Variants in KIF1C observed in about 807,000 individuals in gnomAD.
KIF1C encodes the protein kinesin family member 1C.
Under a neutral mutation model 126.5 loss-of-function variants are expected in KIF1C, and 61 were observed. The ratio of observed to expected loss-of-function variants is 0.48; its 90% CI spans 0.39 to 0.60. KIF1C has a LOEUF of 0.60. Among genes scored for constraint, KIF1C ranks in the 20% least tolerant of loss-of-function variants. KIF1C has a pLI of 0.00. For missense variants in KIF1C, 1,315 were observed against 1,489.2 expected (o/e 0.88, Z 1.93); for synonymous variants, 640 against 580.6 (o/e 1.10, Z -1.47).
At chr17:5,009,535 TC>T (rs557584076) in intron 16 of KIF1C, among the ~76,000 whole-genome samples, 19 of 151,654 alleles carry the variant, frequency 1.3e-4, no homozygotes, top group Non-Finnish European at 2.5e-4. Context: ...ACACCTGTAA[TC>T]CTAGCACTTT....
chr17:4,999,636 C>T (rs576048205), intron 1 of KIF1C, among the ~76,000 whole-genome samples: 2 of 152,260 alleles, frequency 1.3e-5, no homozygotes, highest in African/African-American at 2.4e-5. Flanking sequence ...TCTCTCTGTC[C>T]TCTATCTGAA....
In KIF1C at chr17:5,004,663, A is replaced by G. The variant is rs72838331; in HGVS notation, c.1019+18A>G. 0.1 allele frequency: 163,192 copies of G among 1,612,622 alleles called. 9,130 individuals are homozygous for G. The highest frequency in any genetic ancestry group is 0.11 in the Non-Finnish European group (133,419 of 1,178,680). ...ACCCTCAGGTGAGGCTTTTGGCTCT[A>G]GCAGGGATGGGGCAGCATAGGAAGA... On this transcript the variant is annotated intron_variant, in intron 12 of 22. Transcript: ENST00000320785.
Position 5,025,508 on chromosome 17 carries a change from T to G in KIF1C, c.*1357T>G, listed in dbSNP as rs1156952594. 1 of 152,158 alleles carries G rather than the reference T, an allele frequency of 6.6e-6. No homozygotes were observed. The highest frequency in any genetic ancestry group is 1.5e-5 in the Non-Finnish European group (1 of 68,050). 9.4% of individuals were successfully genotyped at this position (152,158 alleles called of 1,614,324 possible). A position where few individuals can be genotyped will look rare whatever the true frequency, so the allele number is the denominator to read the frequency against. On this transcript the variant is annotated 3_prime_UTR_variant, in exon 23 of 23. Transcript: ENST00000320785. ...AGGCTACATCATTGTTCCCAGTCGT[T>G]ATTTTATTTGTGTTAAGACTGTTTG...
chr17:5,020,926 CA>C lies in KIF1C; in HGVS notation c.2010+50del. On this transcript the variant is annotated intron_variant, in intron 21 of 22. Transcript: ENST00000320785. The surrounding 1 kb of genome is among the most constrained non-coding windows in gnomAD (Gnocchi z 5.8). ...GATGGGCTGATGGGCAGATGAGCCG[CA>C]AGCCTGAGTCCGAGTGCAGTGCTCA... 1.3e-6 allele frequency: 2 copies of C among 1,499,352 alleles called. No individual in the cohort carries two copies. The highest frequency in any genetic ancestry group is 1.8e-6 in the Non-Finnish European group (2 of 1,098,772). The allele number at this position is 1,499,352 out of a possible 1,614,324, so 92.9% of individuals were successfully genotyped here.
chr17:5,010,141 G>T (rs1352392423), intron 16 of KIF1C, among the ~76,000 whole-genome samples: 1 of 152,150 alleles, frequency 6.6e-6, no homozygotes, highest in South Asian at 2.1e-4. Flanking sequence ...GGCCAGGCTG[G>T]TCTCAAACTC....
At position 5,022,306 on chromosome 17, in the gene KIF1C, C is replaced by G. The variant is rs745870744; in HGVS notation, c.2225C>G (p.Ala742Gly). The change falls in exon 22 of 23, where the codon GCC (alanine) becomes GGC (glycine). Residue 742 changes from alanine to glycine, a missense_variant. By Grantham distance (60) the Ala-to-Gly change is moderately conservative. Transcript: ENST00000320785. The surrounding 1 kb of genome is among the most constrained non-coding windows in gnomAD (Gnocchi z 4.9). ...CTGCAGGGCAAAGACCCCCGCTGGGCCACCATGGCTGACCTGAAGATGCAG... is the reference window on the plus strand; with the variant it reads ...CTGCAGGGCAAAGACCCCCGCTGGGGCACCATGGCTGACCTGAAGATGCAG... ...RRLQGKDPRWATMADLKMQAV... is the reference protein window; with the variant it reads ...RRLQGKDPRWGTMADLKMQAV... 2.5e-6 allele frequency: 4 copies of G among 1,610,806 alleles called. No homozygotes were observed. The African/African-American group carries it at 5.3e-5, about 21-fold the overall frequency.
At chr17:5,013,831 GAGATACCTC>G (rs1974917283) in intron 17 of KIF1C, 99 bp downstream of exon 17, 1 of 856,138 alleles carries the variant, frequency 1.2e-6, no homozygotes, top group East Asian at 2.5e-5. Flanking sequence ...GTGGTCCCTG[GAGATACCTC>G]AGATCTCTAA....
rs191908422 is a variant in KIF1C at position 5,016,840 on chromosome 17, A to G, written c.1666+2003A>G. 1.8e-3 allele frequency among the ~76,000 whole-genome samples: 259 copies of G among 147,792 alleles called. 2 individuals carry two copies. The highest frequency in any genetic ancestry group is 6.2e-3 in the African/African-American group (248 of 40,052). The stretch of plus-strand genomic sequence containing the variant: ...AGAATTGCTTGAACCTGGGAAGTGG[A>G]GGTTTCAGTGAGCTGAGATTGCGCC... On this transcript the variant is annotated intron_variant, in intron 18 of 22. Transcript: ENST00000320785.
intron 13 of KIF1C, among the ~76,000 whole-genome samples, chr17:5,005,692 G>A (rs570255328): frequency 6.6e-6 from 1 of 152,166 alleles, no homozygotes; most frequent in African/African-American, 2.4e-5. Flanking sequence ...TAGCACACAT[G>A]ACGTGGGACC....
chr17:5,016,471 T>C (rs942881374), intron 18 of KIF1C, among the ~76,000 whole-genome samples: 1 of 151,694 alleles, frequency 6.6e-6, no homozygotes, highest in African/African-American at 2.4e-5. Flanking sequence ...CAGGCTAGTC[T>C]TGAACTCCTG....
At chr17:5,005,390 C>G (rs1448294624) in intron 13 of KIF1C, among the ~76,000 whole-genome samples, 1 of 152,216 alleles carries the variant, frequency 6.6e-6, no homozygotes, top group Non-Finnish European at 1.5e-5. Context: ...TAACAGATCT[C>G]AGTGGAGTGC....
At chr17:5,000,161 G>A in intron 2 of KIF1C, 59 bp from the exon 3 acceptor site, 1 of 913,166 alleles carries the variant, frequency 1.1e-6, no homozygotes, top group East Asian at 2.6e-5. Flanking sequence ...GAAGCTGGGA[G>A]GCAATGTCTG....
In KIF1C at chr17:5,013,841, A is replaced by G. The variant is rs1974917538; in HGVS notation, c.1571+109A>G. 2.2e-5 allele frequency: 17 copies of G among 774,780 alleles called. No individual in the cohort carries two copies. The South Asian group carries it at 2.7e-4, about 12-fold the overall frequency. 48.0% of individuals were successfully genotyped at this position (774,780 alleles called of 1,614,324 possible). On this transcript the variant is annotated intron_variant, in intron 17 of 22. Transcript: ENST00000320785. Reference sequence around the variant, plus strand: ...CCCTGGTGGTCCCTGGAGATACCTCAGATCTCTAAACAGCTGCCTCCACAG... The same window carrying G: ...CCCTGGTGGTCCCTGGAGATACCTCGGATCTCTAAACAGCTGCCTCCACAG...
rs1974574261 is a variant in KIF1C, at chr17:5,000,939, G to T, written c.183+91G>T. On this transcript the variant is annotated intron_variant, in intron 4 of 22. Transcript: ENST00000320785. Reference sequence around the variant, plus strand: ...GACATGTTAAGAAATAGGACCCCCAGGGGATTAGTCAGGGTGAATTGGGAG... The same window carrying T: ...GACATGTTAAGAAATAGGACCCCCATGGGATTAGTCAGGGTGAATTGGGAG... 4.6e-6 allele frequency: 6 copies of T among 1,308,074 alleles called. No individual in the cohort carries two copies. The South Asian group carries it at 7.1e-5, about 16-fold the overall frequency. The allele number at this position is 1,308,074 out of a possible 1,614,324, so 81.0% of individuals were successfully genotyped here.
rs776684520 is a variant in KIF1C at position 5,000,842 on chromosome 17, C to T, written c.177C>T (p.His59=). ...CCTTTGACTACTCCTACTGGTCACA[C>T]ACTTCGGTGGGTTGTTGGGCTGGGG... ...SFTFDYSYWS[H]TSTEDPQFAS... Residue 59 remains histidine (H), a synonymous_variant, in exon 4 of 23, where the codon CAC becomes CAT. Coordinates refer to ENST00000320785, the MANE Select transcript of KIF1C (RefSeq NM_006612.6). The T allele has an allele frequency of 3.1e-6, 5 of 1,613,934 alleles. No homozygotes were observed. Among genetic ancestry groups the T allele is most frequent in the Non-Finnish European group, 3.4e-6 (4 of 1,179,836 alleles).
At chr17:5,014,632 T>C in intron 17 of KIF1C, 111 bp from the exon 18 acceptor site, 2 of 785,278 alleles carry the variant, frequency 2.5e-6, no homozygotes, top group Non-Finnish European at 4.3e-6. Flanking sequence ...CTTCCTCATC[T>C]GTGAAATGGG....
chr17:4,998,852 G>C (rs1256062738), intron 1 of KIF1C, among the ~76,000 whole-genome samples: 1 of 152,170 alleles, frequency 6.6e-6, no homozygotes, highest in Non-Finnish European at 1.5e-5. Flanking sequence ...TTGTCCGTGG[G>C]CGTGGGCTGC....
At chr17:5,001,751 C>T (rs573241371) in intron 5 of KIF1C, among the ~76,000 whole-genome samples, 7 of 152,184 alleles carry the variant, frequency 4.6e-5, no homozygotes, top group East Asian at 1.9e-4. Context: ...ACTGTAGAAA[C>T]GCCAATTGGG....
chr17:5,001,297 G>A lies in KIF1C; in HGVS notation c.259G>A (p.Glu87Lys). 1 of 1,614,186 alleles carries A rather than the reference G, an allele frequency of 6.2e-7. No individual in the cohort carries two copies. Among genetic ancestry groups the A allele is most frequent in the South Asian group, 1.1e-5 (1 of 91,090 alleles). The change falls in exon 5 of 23, where the codon GAA becomes AAA. Residue 87 changes from glutamate to lysine, a missense_variant. Physicochemically the swap from Glu to Lys is moderately conservative, Grantham distance 56. Transcript: ENST00000320785. ...IGEEMLLHAF[E>K]GYNVCIFAYG... ...AGAAGAGATGCTGCTCCACGCCTTT[G>A]AAGGCTACAACGTGTGCATCTTTGC...
Sources: gnomAD v4.1 joint callset for allele counts (sites outside exome capture counted in the v4.1 genomes callset) on GRCh38, gnomAD v4.1.1 for gene constraint, Gnocchi (gnomAD v3.1) non-coding constraint, MANE v1.5 for transcripts, NCBI Gene and HGNC (gene_info 2026-07-23, HGNC 2026-07-21) for gene names.